The following DOCK7 variants were observed in gnomAD, a reference collection of about 807,000 sequenced individuals.
DOCK7 encodes dedicator of cytokinesis 7, also known as dedicator of cytokinesis protein 7.
DOCK7 carries 138 observed loss-of-function variants against 271.0 expected under a neutral mutation model. That is an observed-to-expected ratio of 0.51 (90% confidence interval 0.44 to 0.59). The LOEUF (loss-of-function observed/expected upper bound fraction) is 0.59. Ranked by LOEUF, DOCK7 falls within the 20% of genes least tolerant of loss-of-function variation. The pLI, the probability that DOCK7 is intolerant of heterozygous loss-of-function variation, is 0.00. For missense variants in DOCK7, 2,066 were observed against 2,592.4 expected (o/e 0.80, Z 4.41); for synonymous variants, 823 against 876.1 (o/e 0.94, Z 1.07).
chr1:62,613,928 C>A (rs1571773123), intron 14 of DOCK7, among the ~76,000 whole-genome samples: 1 of 152,040 alleles, frequency 6.6e-6, no homozygotes, highest in Non-Finnish European at 1.5e-5. Flanking sequence ...ATAGGGATAA[C>A]CACATTGGTT....
intron 1 of DOCK7, among the ~76,000 whole-genome samples, chr1:62,681,548 A>T (rs796493580): frequency 0.022 from 1,290 of 57,552 alleles, 15 homozygotes; most frequent in South Asian, 0.036. Context: ...AAATAAAAAA[A>T]ATAAAATAAA....
At chr1:62,648,016 C>A in intron 6 of DOCK7, 90 bp downstream of exon 6, 1 of 1,223,830 alleles carries the variant, frequency 8.2e-7, no homozygotes, top group South Asian at 1.4e-5. Context: ...GTTGCTTTAT[C>A]CTCTACATTT....
rs79726303 is a variant in DOCK7 at position 62,539,056 on chromosome 1, G to A, written c.3300+489C>T. On this transcript the variant is annotated intron_variant, in intron 27 of 49. Coordinates refer to ENST00000635253, the MANE Select transcript of DOCK7 (RefSeq NM_001367561.1). ...GCTATGTTTGGAAAAGTTCCAGGAT[G>A]CTTTTAATTTCGTAAAGTCAAGATA... Among the ~76,000 whole-genome samples, 39 of 152,288 alleles carry A rather than the reference G, an allele frequency of 2.6e-4. No homozygotes were observed. In the East Asian group the frequency reaches 3.7e-3, roughly 14 times the overall value.
intron 31 of DOCK7, among the ~76,000 whole-genome samples, chr1:62,520,374 G>A (rs1338324172): frequency 6.6e-6 from 1 of 152,058 alleles, no homozygotes; most frequent in Non-Finnish European, 1.5e-5. Flanking sequence ...CTAATATCCA[G>A]AATCTACAAA....
intron 16 of DOCK7, among the ~76,000 whole-genome samples, chr1:62,581,697 C>T (rs1269541909): frequency 2.0e-5 from 3 of 151,280 alleles, no homozygotes; most frequent in African/African-American, 4.9e-5. Context: ...AAGGGCAAAA[C>T]GTTAGTGTTT....
At chr1:62,638,996 CAT>C (rs1329892429) in intron 7 of DOCK7, among the ~76,000 whole-genome samples, 4 of 151,902 alleles carry the variant, frequency 2.6e-5, no homozygotes, top group South Asian at 2.1e-4. Flanking sequence ...AAAATATTTA[CAT>C]GTTTGTAGAG....
At chr1:62,622,958 G>A (rs1653471254) in intron 12 of DOCK7, among the ~76,000 whole-genome samples, 1 of 151,918 alleles carries the variant, frequency 6.6e-6, no homozygotes, top group African/African-American at 2.4e-5. Context: ...AAAAAACCCA[G>A]AAACAAGGTC....
rs772843743 is a variant in DOCK7 at position 62,634,930 on chromosome 1, A to G, written c.886-8T>C. 172 of 1,575,122 alleles carry G rather than the reference A, an allele frequency of 1.1e-4. No homozygotes were observed. Among genetic ancestry groups the G allele is most frequent in the Non-Finnish European group, 1.3e-4 (148 of 1,150,998 alleles). On this transcript the variant is annotated splice_polypyrimidine_tract_variant and splice_region_variant and intron_variant, in intron 8 of 49. Coordinates refer to ENST00000635253, the MANE Select transcript of DOCK7 (RefSeq NM_001367561.1). The stretch of plus-strand genomic sequence containing the variant: ...ATAAAAGTTTTCTGAAATCTAAAAA[A>G]TATTAGTATGTTAAACTTTAAAATA...
chr1:62,480,102 T>C (rs145696275), intron 43 of DOCK7, among the ~76,000 whole-genome samples: 25 of 152,368 alleles, frequency 1.6e-4, no homozygotes, highest in African/African-American at 4.6e-4. Flanking sequence ...TTCCCTTTAG[T>C]TAAACTTTCC....
intron 29 of DOCK7, among the ~76,000 whole-genome samples, chr1:62,532,604 G>A (rs1165441971): frequency 6.6e-6 from 1 of 152,168 alleles, no homozygotes; most frequent in African/African-American, 2.4e-5. Flanking sequence ...CAAAGTGTTG[G>A]GATTACAGGC....
chr1:62,612,653 T>C (rs1348942467), intron 14 of DOCK7, among the ~76,000 whole-genome samples: 11 of 152,236 alleles, frequency 7.2e-5, no homozygotes, highest in Non-Finnish European at 1.6e-4. Flanking sequence ...ATAATAAAAG[T>C]TTAAAACTAT....
chr1:62,489,559 G>T (rs988997595), intron 41 of DOCK7, among the ~76,000 whole-genome samples: 10 of 152,140 alleles, frequency 6.6e-5, no homozygotes, highest in African/African-American at 2.4e-4. Flanking sequence ...ATTTTCCAGT[G>T]TATCTTCTCC....
At chr1:62,563,249 C>G (rs1417892688) in intron 18 of DOCK7, among the ~76,000 whole-genome samples, 1 of 152,166 alleles carries the variant, frequency 6.6e-6, no homozygotes, top group Non-Finnish European at 1.5e-5. Context: ...CTCTACCTGA[C>G]AGCAGCACCT....
chr1:62,561,267 C>T (rs1360801584), intron 19 of DOCK7, among the ~76,000 whole-genome samples: 1 of 152,044 alleles, frequency 6.6e-6, no homozygotes, highest in Non-Finnish European at 1.5e-5. Context: ...AACAAATGAT[C>T]CCTAAAAACT....
At chr1:62,475,583 TG>T (rs1645946786) in intron 46 of DOCK7, 123 bp downstream of exon 46, 1 of 1,104,584 alleles carries the variant, frequency 9.1e-7, no homozygotes, top group Non-Finnish European at 1.3e-6. Flanking sequence ...GACTCAAAAA[TG>T]GGTAAAGTTC....
Position 62,535,437 on chromosome 1 carries a change from T to C in DOCK7, c.3611+56A>G. On this transcript the variant is annotated intron_variant, in intron 29 of 49. Transcript: ENST00000635253. ...TCAGGAAATGTGAGTGGAATACTTCTGTCCACTGTTCAAAATCAAACTCAT... is the reference window on the plus strand; with the variant it reads ...TCAGGAAATGTGAGTGGAATACTTCCGTCCACTGTTCAAAATCAAACTCAT... 2.0e-6 allele frequency: 3 copies of C among 1,474,816 alleles called. No individual in the cohort carries two copies. The South Asian group carries it at 3.6e-5, about 18-fold the overall frequency. The allele number at this position is 1,474,816 out of a possible 1,614,324, so 91.4% of individuals were successfully genotyped here. A position where few individuals can be genotyped will look rare whatever the true frequency, so the allele number is the denominator to read the frequency against.
intron 31 of DOCK7, among the ~76,000 whole-genome samples, chr1:62,527,454 G>C (rs1177718600): frequency 6.6e-6 from 1 of 151,908 alleles, no homozygotes; most frequent in Non-Finnish European, 1.5e-5. Flanking sequence ...GCAAAGACTT[G>C]GAACCAACCC....
At chr1:62,631,943 C>T (rs557586341) in intron 10 of DOCK7, among the ~76,000 whole-genome samples, 13 of 152,204 alleles carry the variant, frequency 8.5e-5, no homozygotes, top group South Asian at 4.1e-4. Flanking sequence ...GAAGACTAAA[C>T]GCTGGAAAAA....
chr1:62,620,770 G>A (rs1045634017), intron 12 of DOCK7, among the ~76,000 whole-genome samples: 1 of 151,478 alleles, frequency 6.6e-6, no homozygotes, highest in Non-Finnish European at 1.5e-5. Flanking sequence ...TGCAGTCCCA[G>A]CTACTCGGGA....
Sources: gnomAD v4.1 joint callset for allele counts (sites outside exome capture counted in the v4.1 genomes callset) on GRCh38, gnomAD v4.1.1 for gene constraint, MANE v1.5 for transcripts, NCBI Gene and HGNC (gene_info 2026-07-23, HGNC 2026-07-21) for gene names.